Variants in DPF3 observed in about 807,000 individuals in gnomAD.
DPF3 encodes zinc finger protein DPF3.
In DPF3, 18 loss-of-function variants were observed where a neutral mutation model predicts 56.8. The observed-to-expected ratio is 0.32, with a 90% CI of 0.22 to 0.47. DPF3 has a LOEUF of 0.47. Among genes scored for constraint, DPF3 ranks in the 20% least tolerant of loss-of-function variants. The pLI is 1.00. For missense variants in DPF3, 403 were observed against 488.8 expected (o/e 0.82, Z 1.65); for synonymous variants, 188 against 180.2 (o/e 1.04, Z -0.35).
intron 1 of DPF3, among the ~76,000 whole-genome samples, chr14:72,822,387 AAAAAT>A (rs1245670436): frequency 6.6e-6 from 1 of 152,152 alleles, no homozygotes; most frequent in Non-Finnish European, 1.5e-5. Context: ...TCCATCTCAA[AAAAAT>A]AAAATAAAAT....
At chr14:72,820,310 G>C (rs574376990) in intron 1 of DPF3, among the ~76,000 whole-genome samples, 1 of 152,136 alleles carries the variant, frequency 6.6e-6, no homozygotes, top group South Asian at 2.1e-4. Context: ...ATGGCCAAAA[G>C]ACACAGAAAA....
At chr14:72,742,127 G>A (rs145007443) in intron 3 of DPF3, among the ~76,000 whole-genome samples, 28 of 152,312 alleles carry the variant, frequency 1.8e-4, no homozygotes, top group African/African-American at 6.3e-4. Context: ...GGGGCTGCAC[G>A]CCCTGCCCAC....
intron 1 of DPF3, among the ~76,000 whole-genome samples, chr14:72,855,206 G>A (rs1427674135): frequency 5.3e-5 from 8 of 152,140 alleles, no homozygotes; most frequent in Non-Finnish European, 7.3e-5. Flanking sequence ...GATGACCTAC[G>A]CTTACCTGTC....
chr14:72,722,239 G>A (rs1289701968), intron 5 of DPF3, among the ~76,000 whole-genome samples: 2 of 152,128 alleles, frequency 1.3e-5, no homozygotes, highest in Non-Finnish European at 2.9e-5. Flanking sequence ...AAGAAGAGAC[G>A]AGCCAAGATA....
intron 7 of DPF3, among the ~76,000 whole-genome samples, chr14:72,683,575 G>A (rs765049158): frequency 1.3e-5 from 2 of 152,142 alleles, no homozygotes; most frequent in African/African-American, 2.4e-5. Context: ...GATCCATGAG[G>A]CATATGGAGG....
intron 8 of DPF3, among the ~76,000 whole-genome samples, chr14:72,637,532 G>A (rs982478056): frequency 2.0e-5 from 3 of 152,180 alleles, no homozygotes; most frequent in Admixed American, 2.0e-4. Context: ...ATATAGCAGT[G>A]AGAAAATCCA....
At chr14:72,884,759 A>C (rs1448185860) in intron 1 of DPF3, among the ~76,000 whole-genome samples, 2 of 150,870 alleles carry the variant, frequency 1.3e-5, no homozygotes, top group Non-Finnish European at 3.0e-5. Context: ...GAACTGCCTC[A>C]AACCCAAACC....
intron 1 of DPF3, among the ~76,000 whole-genome samples, chr14:72,855,430 G>A (rs1431356295): frequency 6.6e-6 from 1 of 152,180 alleles, no homozygotes; most frequent in African/African-American, 2.4e-5. Flanking sequence ...AGTAACTAAG[G>A]CACAGAGTGG....
At chr14:72,737,898 A>AT (rs201559382) in intron 3 of DPF3, among the ~76,000 whole-genome samples, 1,815 of 145,900 alleles carry the variant, frequency 0.012, 33 homozygotes, top group African/African-American at 0.04. Context: ...TGAGTGCTCA[A>AT]TTTTTTTTTT....
chr14:72,667,319 A>G (rs1886481697), intron 8 of DPF3, among the ~76,000 whole-genome samples: 2 of 152,194 alleles, frequency 1.3e-5, no homozygotes, highest in Admixed American at 6.5e-5. Context: ...GAAAAAAATC[A>G]GCTAGACCAT....
chr14:72,617,980 C>T lies in DPF3; in HGVS notation c.*1317G>A, dbSNP rs773357616. ...GCTGCGATTCAAAGTCAGCCCAATCCGCTCCAGCCCTCGGGGCTATCTTCC... is the reference window on the plus strand; with the variant it reads ...GCTGCGATTCAAAGTCAGCCCAATCTGCTCCAGCCCTCGGGGCTATCTTCC... On this transcript the variant is annotated 3_prime_UTR_variant, in exon 11 of 11. Coordinates refer to ENST00000556509, the MANE Select transcript of DPF3 (RefSeq NM_001280542.3). 2.6e-5 allele frequency among the ~76,000 whole-genome samples: 4 copies of T among 152,026 alleles called. No individual in the cohort carries two copies. The highest frequency in any genetic ancestry group is 1.9e-4 in the East Asian group (1 of 5,172).
chr14:72,885,588 G>A (rs1170939595), intron 1 of DPF3, among the ~76,000 whole-genome samples: 1 of 151,386 alleles, frequency 6.6e-6, no homozygotes, highest in Non-Finnish European at 1.5e-5. Flanking sequence ...ATTTTTTGTA[G>A]CGACAGGGTC....
At position 72,615,700 on chromosome 14, in the gene DPF3, G is replaced by A. The variant is rs1265064734; in HGVS notation, c.*3597C>T. Among the ~76,000 whole-genome samples the A allele has an allele frequency of 6.6e-6, 1 of 152,246 alleles. No homozygotes were observed. The highest frequency in any genetic ancestry group is 2.4e-5 in the African/African-American group (1 of 41,454). ...CTACCTCGCCCTGGGGCAGGGACAG[G>A]AGCAGGGGAGCCTTGGGACCTGCTG... On this transcript the variant is annotated 3_prime_UTR_variant, in exon 11 of 11. Coordinates refer to ENST00000556509, the MANE Select transcript of DPF3 (RefSeq NM_001280542.3).
At position 72,609,754 on chromosome 14, in the gene DPF3, GC is replaced by G. The variant is rs918643006; in HGVS notation, c.*9542del. Among the ~76,000 whole-genome samples the G allele has an allele frequency of 6.6e-6, 1 of 152,182 alleles. No homozygotes were observed. The highest frequency in any genetic ancestry group is 2.4e-5 in the African/African-American group (1 of 41,442). On this transcript the variant is annotated 3_prime_UTR_variant, in exon 11 of 11. Coordinates refer to ENST00000556509, the MANE Select transcript of DPF3 (RefSeq NM_001280542.3). ...TTTTTGTTTGTCTGTTGCTGTCGTT[GC>G]TTTTTAGAGAAGCCAGGGTGGGCCA...
chr14:72,878,095 C>T (rs1886185826), intron 1 of DPF3, among the ~76,000 whole-genome samples: 1 of 152,140 alleles, frequency 6.6e-6, no homozygotes, highest in Non-Finnish European at 1.5e-5. Flanking sequence ...CTCTGGCTTT[C>T]CATGTTGAAG....
chr14:72,782,489 A>C (rs1892021145), intron 1 of DPF3, among the ~76,000 whole-genome samples: 1 of 152,098 alleles, frequency 6.6e-6, no homozygotes, highest in Non-Finnish European at 1.5e-5. Context: ...TCTCCCAAAG[A>C]CCTGGGATTA....
intron 4 of DPF3, 60 bp from the exon 5 acceptor site, chr14:72,723,788 A>G (rs1048382436): frequency 6.8e-7 from 1 of 1,471,552 alleles, no homozygotes; most frequent in Non-Finnish European, 9.2e-7. Context: ...AAAAACCATC[A>G]GAGAGTAATT....
At chr14:72,651,333 G>A (rs1017717026) in intron 8 of DPF3, among the ~76,000 whole-genome samples, 3 of 152,200 alleles carry the variant, frequency 2.0e-5, no homozygotes, top group Non-Finnish European at 2.9e-5. Context: ...CCTGCCTTCC[G>A]GAAGGATGAA....
chr14:72,883,589 A>C (rs1886399271), intron 1 of DPF3, among the ~76,000 whole-genome samples: 1 of 152,124 alleles, frequency 6.6e-6, no homozygotes, highest in South Asian at 2.1e-4. Flanking sequence ...CATGCATGTA[A>C]CTCTGAGATC....
Sources: gnomAD v4.1 joint callset for allele counts (sites outside exome capture counted in the v4.1 genomes callset) on GRCh38, gnomAD v4.1.1 for gene constraint, MANE v1.5 for transcripts, NCBI Gene and HGNC (gene_info 2026-07-23, HGNC 2026-07-21) for gene names.